The following SUMF1 variants were observed in gnomAD, a reference collection of about 807,000 sequenced individuals.
SUMF1 encodes the protein formylglycine-generating enzyme.
SUMF1 carries 48 observed loss-of-function variants against 47.6 expected under a neutral mutation model. The observed-to-expected ratio is 1.01, with a 90% confidence interval of 0.80 to 1.28. SUMF1 has a LOEUF of 1.28. Among genes scored for constraint, SUMF1 ranks in the 50% most tolerant of loss-of-function variants. SUMF1 has a pLI of 0.00. For missense variants in SUMF1, 571 were observed against 485.4 expected (o/e 1.18, Z -1.66); for synonymous variants, 230 against 192.1 (o/e 1.20, Z -1.63).
At chr3:4,187,234 T>C (rs73120447) in intron 8 of SUMF1, among the ~76,000 whole-genome samples, 51,316 of 151,578 alleles carry the variant, frequency 0.34, 8,761 homozygotes, top group East Asian at 0.4. Context: ...GCCAGCGCAA[T>C]GTCAGGTACC....
At chr3:4,341,153 C>T (rs1286343893) in intron 8 of SUMF1, among the ~76,000 whole-genome samples, 1 of 151,914 alleles carries the variant, frequency 6.6e-6, no homozygotes, top group Non-Finnish European at 1.5e-5. Flanking sequence ...CATGAGCTGG[C>T]ATTATTGCCA....
intron 8 of SUMF1, among the ~76,000 whole-genome samples, chr3:4,089,189 T>G (rs995197209): frequency 6.6e-6 from 1 of 152,152 alleles, no homozygotes; most frequent in Non-Finnish European, 1.5e-5. Context: ...ATCCAAGATC[T>G]AGACTGGACA....
rs1702832963 is a variant in SUMF1 at position 4,447,821 on chromosome 3, C to T, written c.519+1445G>A. The stretch of plus-strand genomic sequence containing the variant: ...AAGCACACACACTTTACTATGTACT[C>T]AACAGGCACCTTCACAGCCTAGCAA... On this transcript the variant is annotated intron_variant, in intron 3 of 8. Coordinates refer to ENST00000272902, the MANE Select transcript of SUMF1 (RefSeq NM_182760.4). 2.0e-5 allele frequency among the ~76,000 whole-genome samples: 3 copies of T among 152,280 alleles called. No individual in the cohort carries two copies. In the South Asian group the frequency reaches 6.2e-4, roughly 32 times the overall value.
intron 8 of SUMF1, among the ~76,000 whole-genome samples, chr3:4,301,082 G>A (rs1486906373): frequency 2.0e-5 from 3 of 152,050 alleles, no homozygotes; most frequent in African/African-American, 4.8e-5. Context: ...ATAGTTGCAG[G>A]GAACATAAGA....
chr3:4,448,259 A>C (rs569572430), intron 3 of SUMF1, among the ~76,000 whole-genome samples: 2 of 152,218 alleles, frequency 1.3e-5, no homozygotes, highest in African/African-American at 4.8e-5. Context: ...TATTAAAGAG[A>C]AAGCAAACAT....
chr3:4,166,516 G>A (rs971450902), intron 8 of SUMF1, among the ~76,000 whole-genome samples: 5 of 152,140 alleles, frequency 3.3e-5, no homozygotes, highest in African/African-American at 7.2e-5. Flanking sequence ...GGTGCCTAAA[G>A]AAGGGAACAG....
At chr3:4,280,833 G>A (rs1390081647) in intron 8 of SUMF1, among the ~76,000 whole-genome samples, 5 of 41,964 alleles carry the variant, frequency 1.2e-4, no homozygotes, top group Non-Finnish European at 2.1e-4. Flanking sequence ...GTGTGTGTGT[G>A]TGTGTGTGTG....
At chr3:4,214,661 A>G (rs1200802730) in intron 8 of SUMF1, among the ~76,000 whole-genome samples, 1 of 152,190 alleles carries the variant, frequency 6.6e-6, no homozygotes, top group Non-Finnish European at 1.5e-5. Flanking sequence ...ACCACTAGCA[A>G]GACTAATAGA....
intron 8 of SUMF1, among the ~76,000 whole-genome samples, chr3:4,288,093 A>T (rs1697670175): frequency 6.6e-6 from 1 of 152,180 alleles, no homozygotes; most frequent in South Asian, 2.1e-4. Context: ...TCTGCAATCT[A>T]GGTCTATGAC....
rs926265588 is a variant in SUMF1, at chr3:4,069,956, G to A, written c.1015-1211C>T. On this transcript the variant is annotated intron_variant and NMD_transcript_variant, in intron 8 of 12. Coordinates refer to the SUMF1 transcript ENST00000448413. The stretch of plus-strand genomic sequence containing the variant: ...AGATAATCAACTAAGAGCCAGATAC[G>A]CTTTTAGCTCTGATAAGAAACATAC... 5.9e-5 allele frequency among the ~76,000 whole-genome samples: 9 copies of A among 152,140 alleles called. 1 individual carries two copies. The South Asian group carries it at 6.2e-4, about 11-fold the overall frequency.
intron 8 of SUMF1, among the ~76,000 whole-genome samples, chr3:4,109,688 C>T (rs1693246580): frequency 6.6e-6 from 1 of 152,118 alleles, no homozygotes; most frequent in African/African-American, 2.4e-5. Flanking sequence ...TCTTCCATCA[C>T]TGATACCCTT....
intron 8 of SUMF1, among the ~76,000 whole-genome samples, chr3:4,222,355 T>A (rs140419911): frequency 1.1e-3 from 163 of 152,170 alleles, no homozygotes; most frequent in African/African-American, 3.4e-3. Flanking sequence ...GTTGCCACAT[T>A]AACACCAAGC....
At chr3:4,233,533 G>GT (rs1270346884) in intron 8 of SUMF1, among the ~76,000 whole-genome samples, 3 of 152,044 alleles carry the variant, frequency 2.0e-5, no homozygotes, top group Non-Finnish European at 4.4e-5. Flanking sequence ...GGTGTGTGTG[G>GT]TTTTTTAACA....
intron 8 of SUMF1, among the ~76,000 whole-genome samples, chr3:4,181,756 G>A (rs1169475701): frequency 6.6e-6 from 1 of 152,050 alleles, no homozygotes; most frequent in African/African-American, 2.4e-5. Flanking sequence ...GCCTACCCTT[G>A]GACCTGGCTC....
chr3:4,383,508 G>A (rs553113853), intron 7 of SUMF1, among the ~76,000 whole-genome samples: 4 of 152,290 alleles, frequency 2.6e-5, no homozygotes, highest in South Asian at 2.1e-4. Flanking sequence ...GTGGTGGCAC[G>A]GGGCAATTCT....
chr3:4,319,034 G>A (rs1426711724), intron 8 of SUMF1, among the ~76,000 whole-genome samples: 2 of 152,150 alleles, frequency 1.3e-5, no homozygotes, highest in African/African-American at 4.8e-5. Flanking sequence ...TTGTCATCAG[G>A]GAATTGCAAT....
intron 8 of SUMF1, among the ~76,000 whole-genome samples, chr3:4,317,844 G>T (rs562098645): frequency 2.4e-4 from 37 of 152,242 alleles, no homozygotes; most frequent in Middle Eastern, 3.4e-3. Context: ...TATATAGAAA[G>T]TATTCAATAA....
chr3:4,428,153 A>G (rs889366176), intron 3 of SUMF1, among the ~76,000 whole-genome samples: 1 of 152,252 alleles, frequency 6.6e-6, no homozygotes, highest in Non-Finnish European at 1.5e-5. Flanking sequence ...TAAAATTTGA[A>G]TAAATGTCTG....
chr3:4,097,284 C>G (rs762109626), intron 8 of SUMF1, among the ~76,000 whole-genome samples: 20 of 152,098 alleles, frequency 1.3e-4, no homozygotes, highest in Non-Finnish European at 2.1e-4. Flanking sequence ...GGCACGGTGG[C>G]TCACGCCTGT....
Sources: allele counts gnomAD v4.1 joint callset (sites outside exome capture counted in the v4.1 genomes callset), GRCh38; gene constraint gnomAD v4.1.1; transcripts MANE v1.5; gene names NCBI Gene and HGNC (gene_info 2026-07-23, HGNC 2026-07-21).